Variants in PAM observed in about 807,000 individuals in gnomAD.
PAM encodes peptidylglycine alpha-amidating monooxygenase.
PAM carries 72 observed loss-of-function variants against 122.1 expected under a neutral mutation model. That is an observed-to-expected ratio of 0.59 (90% confidence interval 0.49 to 0.72). PAM has a LOEUF of 0.72. Among genes scored for constraint, PAM ranks in the 30% least tolerant of loss-of-function variants. The pLI is 0.00. For synonymous variants in PAM, 389 were observed against 404.4 expected (o/e 0.96, Z 0.46); for missense variants, 1,106 against 1,183.7 (o/e 0.93, Z 0.96).
chr5:102,785,177 A>G (rs1024640898), intron 1 of PAM, among the ~76,000 whole-genome samples: 1 of 152,204 alleles, frequency 6.6e-6, no homozygotes, highest in Non-Finnish European at 1.5e-5. Flanking sequence ...AAAAGTAGTG[A>G]TGCTAGCCCA....
At chr5:102,925,349 A>C (rs1290178492) in intron 6 of PAM, among the ~76,000 whole-genome samples, 2 of 152,206 alleles carry the variant, frequency 1.3e-5, no homozygotes, top group African/African-American at 4.8e-5. Flanking sequence ...ACATTTCATG[A>C]GCCAAGAGAG....
intron 7 of PAM, among the ~76,000 whole-genome samples, chr5:102,937,087 C>T (rs1170666971): frequency 2.0e-5 from 3 of 152,022 alleles, no homozygotes; most frequent in Admixed American, 6.6e-5. Context: ...TTTAGAAATT[C>T]GAAGAAGAAT....
intron 7 of PAM, among the ~76,000 whole-genome samples, chr5:102,939,214 T>A (rs1443720292): frequency 2.0e-5 from 3 of 152,166 alleles, no homozygotes; most frequent in African/African-American, 7.2e-5. Context: ...TTTCTCCCAA[T>A]AGAAACATTA....
At chr5:102,898,496 T>A (rs1796795594) in intron 3 of PAM, among the ~76,000 whole-genome samples, 1 of 151,684 alleles carries the variant, frequency 6.6e-6, no homozygotes, top group Non-Finnish European at 1.5e-5. Flanking sequence ...GCTGTCTTTA[T>A]CTCTTCAGAA....
At chr5:102,972,608 C>A (rs769055354) in intron 14 of PAM, among the ~76,000 whole-genome samples, 6 of 152,158 alleles carry the variant, frequency 3.9e-5, no homozygotes, top group Non-Finnish European at 5.9e-5. Flanking sequence ...TGGTTTATCT[C>A]TCCCTGAAAT....
At chr5:102,995,642 G>A (rs1562179935) in intron 16 of PAM, among the ~76,000 whole-genome samples, 1 of 152,078 alleles carries the variant, frequency 6.6e-6, no homozygotes, top group Non-Finnish European at 1.5e-5. Flanking sequence ...CTTGTCCCCA[G>A]TGGCCTTATT....
In PAM at chr5:102,779,918, T is replaced by TATATATATATATATACACACACAC. The variant is rs147065045; in HGVS notation, c.-374+24571_-374+24572insTATATATATATATACACACACACA. Among the ~76,000 whole-genome samples the TATATATATATATATACACACACAC allele has an allele frequency of 1.5e-4, 14 of 95,656 alleles. 1 individual carries two copies. Among genetic ancestry groups the TATATATATATATATACACACACAC allele is most frequent in the African/African-American group, 4.5e-4 (10 of 22,072 alleles). 62.8% of individuals were successfully genotyped at this position (95,656 alleles called of 152,430 possible). A position where few individuals can be genotyped will look rare whatever the true frequency, so the allele number is the denominator to read the frequency against. On this transcript the variant is annotated intron_variant, in intron 1 of 25. Transcript: ENST00000438793. ...ATATATATATATATATATATATATA[T>TATATATATATATATACACACACAC]ACACACATATATATATGTATATATC...
At chr5:102,805,157 G>A (rs1427770639) in intron 1 of PAM, among the ~76,000 whole-genome samples, 4 of 143,016 alleles carry the variant, frequency 2.8e-5, no homozygotes, top group African/African-American at 1.1e-4. Context: ...TGCAACCTCC[G>A]CCTCCTGGGT....
chr5:102,952,926 G>A (rs1278266433), intron 12 of PAM, among the ~76,000 whole-genome samples: 6 of 152,018 alleles, frequency 3.9e-5, no homozygotes, highest in African/African-American at 9.7e-5. Flanking sequence ...TTTGAGCCCC[G>A]AGCGTGAAGC....
intron 21 of PAM, among the ~76,000 whole-genome samples, chr5:103,016,595 C>G (rs1782067366): frequency 6.6e-6 from 1 of 152,166 alleles, no homozygotes; most frequent in Non-Finnish European, 1.5e-5. Flanking sequence ...AGGATCTCCC[C>G]TGTCTCTTGT....
chr5:102,972,005 A>G (rs1765982513), intron 14 of PAM, among the ~76,000 whole-genome samples: 1 of 152,186 alleles, frequency 6.6e-6, no homozygotes, highest in Non-Finnish European at 1.5e-5. Flanking sequence ...CATTATTTTA[A>G]CAATTTTTGC....
intron 1 of PAM, among the ~76,000 whole-genome samples, chr5:102,776,944 T>C (rs1462141344): frequency 6.6e-6 from 1 of 152,036 alleles, no homozygotes; most frequent in Non-Finnish European, 1.5e-5. Context: ...GGGTGCTTCT[T>C]CCCCCCTGCT....
chr5:102,960,306 C>A (rs138804586), intron 13 of PAM, among the ~76,000 whole-genome samples: 1 of 151,936 alleles, frequency 6.6e-6, no homozygotes, highest in East Asian at 1.9e-4. Context: ...TGGGACCAAT[C>A]CCATAAATGT....
At chr5:103,027,260 A>G (rs569498131) in intron 24 of PAM, among the ~76,000 whole-genome samples, 5 of 152,294 alleles carry the variant, frequency 3.3e-5, no homozygotes, top group Admixed American at 2.0e-4. Context: ...AGAACTTACA[A>G]TCTAATTTGT....
chr5:102,906,019 G>C (rs1328835582), intron 4 of PAM, among the ~76,000 whole-genome samples: 1 of 151,704 alleles, frequency 6.6e-6, no homozygotes, highest in Non-Finnish European at 1.5e-5. Context: ...TGAAGGAGAA[G>C]TTGTTGCTAT....
intron 1 of PAM, among the ~76,000 whole-genome samples, chr5:102,819,624 AGAAATATTTTT>A (rs1017845749): frequency 1.3e-5 from 2 of 152,180 alleles, no homozygotes; most frequent in African/African-American, 2.4e-5. Flanking sequence ...GCAATAAAAT[AGAAATATTTTT>A]GAGAGGAGAG....
chr5:102,776,745 T>C (rs552447043), intron 1 of PAM, among the ~76,000 whole-genome samples: 2 of 152,270 alleles, frequency 1.3e-5, no homozygotes, highest in South Asian at 4.1e-4. Flanking sequence ...GCAGAAGATC[T>C]CTGGAACCCT....
chr5:102,799,539 A>C (rs1290308093), intron 1 of PAM, among the ~76,000 whole-genome samples: 1 of 152,208 alleles, frequency 6.6e-6, no homozygotes, highest in Admixed American at 6.5e-5. Flanking sequence ...TTTCAGCCAC[A>C]TATTTCTTAG....
intron 1 of PAM, among the ~76,000 whole-genome samples, chr5:102,789,167 G>A (rs1005618422): frequency 6.6e-6 from 1 of 152,062 alleles, no homozygotes; most frequent in Non-Finnish European, 1.5e-5. Flanking sequence ...ATCCTTGGCT[G>A]TTAAAAATTC....
Sources: gnomAD v4.1 joint callset for allele counts (sites outside exome capture counted in the v4.1 genomes callset) on GRCh38, gnomAD v4.1.1 for gene constraint, MANE v1.5 for transcripts, NCBI Gene and HGNC (gene_info 2026-07-23, HGNC 2026-07-21) for gene names.